The following PLXDC2 variants were observed in gnomAD, a reference collection of about 807,000 sequenced individuals.
The protein encoded by PLXDC2 is plexin domain containing 2.
A neutral mutation model predicts 68.9 loss-of-function variants in PLXDC2; 40 were observed. That is an observed-to-expected ratio of 0.58 (90% CI 0.45 to 0.76). PLXDC2 has a LOEUF of 0.76. PLXDC2 is among the 30% of genes least tolerant of loss of function. The pLI is 0.00. For missense variants in PLXDC2, 644 were observed against 661.9 expected (o/e 0.97, Z 0.30); for synonymous variants, 243 against 234.2 (o/e 1.04, Z -0.34).
At chr10:19,905,239 T>G (rs1564624813) in intron 1 of PLXDC2, among the ~76,000 whole-genome samples, 1 of 152,360 alleles carries the variant, frequency 6.6e-6, no homozygotes, top group East Asian at 1.9e-4. Context: ...TGGATGATTT[T>G]GGCATAGCCA....
chr10:20,223,524 G>A (rs1835245843), intron 12 of PLXDC2, among the ~76,000 whole-genome samples: 1 of 151,912 alleles, frequency 6.6e-6, no homozygotes. Context: ...TGTTGGCCAG[G>A]CTGGTCTTGA....
chr10:19,866,511 A>G (rs1040684506), intron 1 of PLXDC2, among the ~76,000 whole-genome samples: 1 of 152,228 alleles, frequency 6.6e-6, no homozygotes, highest in African/African-American at 2.4e-5. Flanking sequence ...AATTGAGGAT[A>G]GTCTCCCTAT....
chr10:20,227,342 G>A (rs1835300119), intron 12 of PLXDC2, among the ~76,000 whole-genome samples: 1 of 152,062 alleles, frequency 6.6e-6, no homozygotes. Context: ...AACAGAGAAG[G>A]GGTATCTAAA....
chr10:20,094,849 T>C (rs543619157), intron 4 of PLXDC2, among the ~76,000 whole-genome samples: 4 of 152,326 alleles, frequency 2.6e-5, no homozygotes, highest in African/African-American at 9.6e-5. Context: ...TGCAAGAATT[T>C]TATTGTATAA....
At chr10:19,941,646 T>G (rs547453379) in intron 1 of PLXDC2, among the ~76,000 whole-genome samples, 1 of 152,326 alleles carries the variant, frequency 6.6e-6, no homozygotes, top group African/African-American at 2.4e-5. Context: ...TAATCCGTGT[T>G]TATCCTTTTG....
intron 2 of PLXDC2, among the ~76,000 whole-genome samples, chr10:20,014,050 A>C (rs1835161246): frequency 6.6e-6 from 1 of 152,218 alleles, no homozygotes; most frequent in African/African-American, 2.4e-5. Flanking sequence ...TTATCTCCTA[A>C]AGGCAAACAC....
intron 4 of PLXDC2, among the ~76,000 whole-genome samples, chr10:20,078,333 CGA>C (rs1228270211): frequency 2.0e-5 from 3 of 152,006 alleles, no homozygotes; most frequent in African/African-American, 7.2e-5. Context: ...TAGTTAGCTA[CGA>C]TTATGCCACT....
intron 1 of PLXDC2, among the ~76,000 whole-genome samples, chr10:19,844,639 G>A (rs533026730): frequency 1.3e-5 from 2 of 150,560 alleles, no homozygotes; most frequent in South Asian, 4.2e-4. Flanking sequence ...TCTGTCGTCT[G>A]GGCTGGAGTG....
In PLXDC2 at chr10:20,283,205, T is replaced by A; in HGVS notation, c.*3386T>A. The A allele has an allele frequency of 6.6e-6, 1 of 152,144 alleles. No individual in the cohort carries two copies. The highest frequency in any genetic ancestry group is 6.5e-5 in the Admixed American group (1 of 15,268). The allele number at this position is 152,144 out of a possible 1,614,324, so 9.4% of individuals were successfully genotyped here. ...ATTTTAGAGAGGCCCTATGGAGTAA[T>A]GAAAAAAATACAAGCTGACACAGCT... On this transcript the variant is annotated 3_prime_UTR_variant, in exon 14 of 14. Coordinates refer to ENST00000377252, the MANE Select transcript of PLXDC2 (RefSeq NM_032812.9).
At chr10:20,077,399 A>T (rs1200422502) in intron 4 of PLXDC2, among the ~76,000 whole-genome samples, 1 of 152,230 alleles carries the variant, frequency 6.6e-6, no homozygotes, top group Non-Finnish European at 1.5e-5. Context: ...GGTAAAAAAT[A>T]TGCTCTCATT....
chr10:20,171,748 CA>C (rs143451268), intron 7 of PLXDC2, among the ~76,000 whole-genome samples: 114 of 151,922 alleles, frequency 7.5e-4, no homozygotes, highest in African/African-American at 2.6e-3. Flanking sequence ...TCTTTTATTT[CA>C]TTTTTTTGAT....
chr10:19,953,222 T>C (rs546429585), intron 1 of PLXDC2, among the ~76,000 whole-genome samples: 1 of 152,342 alleles, frequency 6.6e-6, no homozygotes, highest in East Asian at 1.9e-4. Context: ...CTAGTTAGTA[T>C]AGACTGCTGT....
chr10:19,966,825 G>A (rs1028910235), intron 1 of PLXDC2, among the ~76,000 whole-genome samples: 3 of 151,694 alleles, frequency 2.0e-5, no homozygotes, highest in Admixed American at 2.0e-4. Context: ...TTTTCCCCCA[G>A]CATGCTTCCC....
At chr10:19,941,508 C>T (rs1377586662) in intron 1 of PLXDC2, among the ~76,000 whole-genome samples, 1 of 152,184 alleles carries the variant, frequency 6.6e-6, no homozygotes. Context: ...GGTCTGGGTG[C>T]AGTCACTTGC....
intron 5 of PLXDC2, among the ~76,000 whole-genome samples, chr10:20,146,033 T>C (rs1053485195): frequency 1.3e-5 from 2 of 152,210 alleles, no homozygotes; most frequent in Admixed American, 1.3e-4. Flanking sequence ...CCCCATGTTA[T>C]AGGAAAGGAA....
At chr10:19,829,154 C>CTTTTTTTTT (rs71388870) in intron 1 of PLXDC2, among the ~76,000 whole-genome samples, 8 of 94,416 alleles carry the variant, frequency 8.5e-5, no homozygotes, top group East Asian at 3.4e-4. Context: ...ACGCTTTCCT[C>CTTTTTTTTT]TTTTTTTTTT....
At position 19,942,179 on chromosome 10, in the gene PLXDC2, A is replaced by G. The variant is rs533313536; in HGVS notation, c.113-59596A>G. Among the ~76,000 whole-genome samples the G allele has an allele frequency of 7.2e-5, 11 of 152,318 alleles. No individual in the cohort carries two copies. The East Asian group carries it at 9.6e-4, about 13-fold the overall frequency. On this transcript the variant is annotated intron_variant, in intron 1 of 13. Coordinates refer to ENST00000377252, the MANE Select transcript of PLXDC2 (RefSeq NM_032812.9). ...TTTCCAAAGACCACAGTAAGATTAA[A>G]TGGACTTAAACTAAAATATTAGAGA...
At chr10:19,896,514 T>G (rs1267750727) in intron 1 of PLXDC2, among the ~76,000 whole-genome samples, 1 of 152,230 alleles carries the variant, frequency 6.6e-6, no homozygotes, top group African/African-American at 2.4e-5. Flanking sequence ...AATAAATGCT[T>G]GTTATTAATA....
At chr10:20,175,127 A>T (rs1834508947) in intron 7 of PLXDC2, among the ~76,000 whole-genome samples, 1 of 152,174 alleles carries the variant, frequency 6.6e-6, no homozygotes. Context: ...AACTTGTATG[A>T]TCTAAGGTTG....
Sources: allele counts gnomAD v4.1 joint callset (sites outside exome capture counted in the v4.1 genomes callset), GRCh38; gene constraint gnomAD v4.1.1; transcripts MANE v1.5; gene names NCBI Gene and HGNC (gene_info 2026-07-23, HGNC 2026-07-21).